The following CLASP1 variants were observed in gnomAD, a reference collection of about 807,000 sequenced individuals.
CLASP1 encodes the protein CLIP-associating protein 1.
CLASP1 carries 38 observed loss-of-function variants against 192.3 expected under a neutral mutation model. That is an observed-to-expected ratio of 0.20 (90% CI 0.15 to 0.26). CLASP1 has a LOEUF of 0.26. Among genes scored for constraint, CLASP1 ranks in the 10% least tolerant of loss-of-function variants. The pLI is 1.00. For synonymous variants in CLASP1, 691 were observed against 712.8 expected (o/e 0.97, Z 0.49); for missense variants, 1,433 against 1,932.5 (o/e 0.74, Z 4.85).
chr2:121,398,394 G>C (rs773387690), exon 29 of CLASP1: 1 of 1,585,654 alleles, frequency 6.3e-7, no homozygotes, highest in East Asian at 2.3e-5. Context: ...CAAATGGAAA[G>C]GAGTCCCTAG....
intron 2 of CLASP1, among the ~76,000 whole-genome samples, chr2:121,593,799 T>G (rs1355632119): frequency 2.0e-5 from 3 of 149,858 alleles, no homozygotes; most frequent in African/African-American, 7.4e-5. Flanking sequence ...TCACCTGAGG[T>G]TGGGAGTTCA....
At chr2:121,515,322 C>T (rs1343819975) in intron 7 of CLASP1, among the ~76,000 whole-genome samples, 1 of 152,184 alleles carries the variant, frequency 6.6e-6, no homozygotes, top group East Asian at 1.9e-4. Flanking sequence ...TAAGCACCTA[C>T]TATACTAAGT....
chr2:121,484,032 G>A (rs1434629785), intron 8 of CLASP1, among the ~76,000 whole-genome samples: 1 of 152,138 alleles, frequency 6.6e-6, no homozygotes, highest in East Asian at 1.9e-4. Context: ...GCTAAAAACA[G>A]GAAGAAAGCA....
chr2:121,601,087 T>A (rs1223741533), intron 2 of CLASP1, among the ~76,000 whole-genome samples: 1 of 152,164 alleles, frequency 6.6e-6, no homozygotes, highest in Non-Finnish European at 1.5e-5. Flanking sequence ...AGACACTAGA[T>A]TTCCTTGGAG....
Position 121,480,928 on chromosome 2 carries a change from CAG to C in CLASP1, c.713-10970_713-10969del, listed in dbSNP as rs545375171. Among the ~76,000 whole-genome samples, 5 of 152,328 alleles carry C rather than the reference CAG, an allele frequency of 3.3e-5. No individual in the cohort carries two copies. In the East Asian group the frequency reaches 7.7e-4, roughly 24 times the overall value. ...AAGAGAGAGGCAAAGCAAAAGAAAG[CAG>C]AGTCAGGGGCAGTGAGAACCGACGT... On this transcript the variant is annotated intron_variant, in intron 8 of 39. Coordinates refer to ENST00000263710, the Ensembl canonical transcript of CLASP1.
intron 37 of CLASP1, among the ~76,000 whole-genome samples, chr2:121,362,844 G>C (rs989131338): frequency 3.9e-5 from 6 of 152,192 alleles, no homozygotes; most frequent in African/African-American, 1.4e-4. Flanking sequence ...CAGACTACCA[G>C]AGGCTAAATG....
intron 2 of CLASP1, among the ~76,000 whole-genome samples, chr2:121,533,809 G>C (rs183348360): frequency 1.3e-5 from 2 of 152,276 alleles, no homozygotes; most frequent in African/African-American, 4.8e-5. Flanking sequence ...CATTTCCTCA[G>C]AATTCCCATA....
chr2:121,406,355 CCTCA>C, intron 25 of CLASP1, among the ~76,000 whole-genome samples: 1 of 152,288 alleles, frequency 6.6e-6, no homozygotes, highest in South Asian at 2.1e-4. Flanking sequence ...TTTGTTATCT[CCTCA>C]CTATGTACAT....
intron 1 of CLASP1, among the ~76,000 whole-genome samples, chr2:121,625,892 C>T (rs574918131): frequency 2.5e-4 from 38 of 151,668 alleles, no homozygotes; most frequent in South Asian, 1.3e-3. Flanking sequence ...GAGATCAAGA[C>T]GATGGAGACC....
At chr2:121,476,493 T>C (rs760916219) in intron 8 of CLASP1, among the ~76,000 whole-genome samples, 2 of 152,202 alleles carry the variant, frequency 1.3e-5, no homozygotes, top group Admixed American at 6.5e-5. Context: ...CTTTGGGCCA[T>C]ACTGTTCGCT....
chr2:121,644,132 C>A (rs575939470), intron 1 of CLASP1, among the ~76,000 whole-genome samples: 2 of 152,268 alleles, frequency 1.3e-5, no homozygotes, highest in South Asian at 4.1e-4. Context: ...CTACAATTAA[C>A]ACTGCCCTCC....
chr2:121,348,722 A>G lies in CLASP1; in HGVS notation c.4207-4T>C, dbSNP rs368234805. 20 of 1,592,410 alleles carry G rather than the reference A, an allele frequency of 1.3e-5. No homozygotes were observed. The highest frequency in any genetic ancestry group is 3.4e-4 in the Middle Eastern group (2 of 5,914). ...CCTCCTCAGCCGCTCTCACCACCTG[A>G]AACACCCAGTTCCCCCAAAGAGTGA... On this transcript the variant is annotated splice_polypyrimidine_tract_variant and splice_region_variant and intron_variant, in intron 37 of 39. Transcript: ENST00000263710.
chr2:121,486,987 T>C (rs757908978), intron 8 of CLASP1, among the ~76,000 whole-genome samples: 2 of 152,240 alleles, frequency 1.3e-5, no homozygotes, highest in African/African-American at 2.4e-5. Context: ...CAAAATTCTA[T>C]GTCCAAGTGT....
chr2:121,348,732 T>A lies in CLASP1; in HGVS notation c.4207-14A>T. 6.3e-7 allele frequency: 1 copy of A among 1,580,286 alleles called. No homozygotes were observed. The highest frequency in any genetic ancestry group is 8.6e-7 in the Non-Finnish European group (1 of 1,161,874). On this transcript the variant is annotated splice_polypyrimidine_tract_variant and intron_variant, in intron 37 of 39. Transcript: ENST00000263710. ...CGCTCTCACCACCTGAAACACCCAG[T>A]TCCCCCAAAGAGTGAGCTCCACATG...
chr2:121,538,741 C>T (rs1196905900), intron 2 of CLASP1, among the ~76,000 whole-genome samples: 2 of 151,066 alleles, frequency 1.3e-5, no homozygotes, highest in African/African-American at 2.4e-5. Context: ...GCCAAGATTG[C>T]GCCTCTGCAC....
chr2:121,493,817 C>A (rs1297248364), intron 8 of CLASP1, among the ~76,000 whole-genome samples: 3 of 151,814 alleles, frequency 2.0e-5, no homozygotes, highest in Non-Finnish European at 4.4e-5. Flanking sequence ...AAAGAAGACA[C>A]ACAAATGGCA....
intron 2 of CLASP1, among the ~76,000 whole-genome samples, chr2:121,541,436 G>C (rs1575816562): frequency 6.6e-6 from 1 of 152,080 alleles, no homozygotes; most frequent in Non-Finnish European, 1.5e-5. Flanking sequence ...ACTTATCCAG[G>C]GTTGTAAAGT....
intron 8 of CLASP1, among the ~76,000 whole-genome samples, chr2:121,480,965 G>A (rs996261920): frequency 1.3e-5 from 2 of 152,200 alleles, no homozygotes; most frequent in Admixed American, 6.5e-5. Context: ...TCTAATGCCT[G>A]GCATGCGTCC....
intron 6 of CLASP1, among the ~76,000 whole-genome samples, chr2:121,522,299 G>A (rs1470100647): frequency 2.0e-5 from 3 of 152,144 alleles, no homozygotes; most frequent in African/African-American, 7.2e-5. Flanking sequence ...TCTTATGGAT[G>A]AGGTGGGGGA....
Sources: gnomAD v4.1 joint callset for allele counts (sites outside exome capture counted in the v4.1 genomes callset) on GRCh38, gnomAD v4.1.1 for gene constraint, MANE v1.5 for transcripts, NCBI Gene and HGNC (gene_info 2026-07-23, HGNC 2026-07-21) for gene names.